Variants in EFR3B observed in about 807,000 individuals in gnomAD.
EFR3B encodes the protein protein EFR3 homolog B.
A neutral mutation model predicts 104.7 loss-of-function variants in EFR3B; 64 were observed. That is an observed-to-expected ratio of 0.61 (90% confidence interval 0.50 to 0.75). The LOEUF (loss-of-function observed/expected upper bound fraction) is 0.75. Among genes scored for constraint, EFR3B ranks in the 30% least tolerant of loss-of-function variants. EFR3B has a pLI of 0.00. For synonymous variants in EFR3B, 385 were observed against 417.9 expected, an observed-to-expected ratio of 0.92 and a Z score of 0.96; for missense variants, 750 against 1,078.5, an observed-to-expected ratio of 0.70 and a Z score of 4.27.
At chr2:25,044,468 A>G (rs2149160879) in intron 1 of EFR3B, among the ~76,000 whole-genome samples, 1 of 152,310 alleles carries the variant, frequency 6.6e-6, no homozygotes. Context: ...ACAGAATTAT[A>G]GACTTCTTAT....
Position 25,091,317 on chromosome 2 carries a change from T to C in EFR3B, c.8-8T>C, listed in dbSNP as rs2918630. The C allele has an allele frequency of 0.47, 731,762 of 1,547,458 alleles. 179,268 individuals are homozygous for C. Among genetic ancestry groups the C allele is most frequent in the East Asian group, 0.77 (31,094 of 40,542 alleles). ...CTTTGCTCACAGTTTTTCCCATTCT[T>C]ATTCCAGGTGTGTGTGGCTGCTGTG... On this transcript the variant is annotated splice_polypyrimidine_tract_variant and splice_region_variant and intron_variant, in intron 1 of 22. Transcript: ENST00000403714.
chr2:25,134,466 G>A (rs946085242), intron 12 of EFR3B, among the ~76,000 whole-genome samples: 4 of 152,100 alleles, frequency 2.6e-5, no homozygotes, highest in Non-Finnish European at 4.4e-5. Context: ...CACTGTGCCC[G>A]GCCTCAGTTT....
At chr2:25,088,263 G>A (rs894104293) in intron 1 of EFR3B, among the ~76,000 whole-genome samples, 2 of 152,132 alleles carry the variant, frequency 1.3e-5, no homozygotes, top group Non-Finnish European at 1.5e-5. Flanking sequence ...TTGTAGAGTT[G>A]GTGCTGAGGT....
chr2:25,090,284 G>T (rs572521658), intron 1 of EFR3B, among the ~76,000 whole-genome samples: 18 of 152,318 alleles, frequency 1.2e-4, no homozygotes, highest in African/African-American at 4.1e-4. Context: ...CCTCCTCCAT[G>T]CCCGCCCGCC....
intron 6 of EFR3B, 98 bp downstream of exon 6, chr2:25,128,430 A>G (rs1670225699): frequency 1.4e-6 from 2 of 1,460,276 alleles, no homozygotes; most frequent in Non-Finnish European, 9.3e-7. Context: ...AAACTCAGCT[A>G]CAAGGCCAGG....
At chr2:25,121,431 T>C (rs1228913621) in intron 4 of EFR3B, among the ~76,000 whole-genome samples, 1 of 152,170 alleles carries the variant, frequency 6.6e-6, no homozygotes, top group Non-Finnish European at 1.5e-5. Flanking sequence ...TTCTCTTCTG[T>C]CCTCTGCTCC....
At chr2:25,092,137 C>T (rs1189770506) in intron 2 of EFR3B, among the ~76,000 whole-genome samples, 3 of 151,782 alleles carry the variant, frequency 2.0e-5, no homozygotes, top group South Asian at 2.1e-4. Context: ...GGCGCGATCT[C>T]GGCTCACTGC....
intron 1 of EFR3B, among the ~76,000 whole-genome samples, chr2:25,055,792 T>C (rs1668002902): frequency 6.6e-6 from 1 of 152,208 alleles, no homozygotes; most frequent in Admixed American, 6.5e-5. Context: ...GGAGGGATGC[T>C]TCTAGAGCAG....
At chr2:25,143,681 A>C (rs201773448) in intron 17 of EFR3B, 54 bp from the exon 18 acceptor site, 6 of 1,545,424 alleles carry the variant, frequency 3.9e-6, no homozygotes, top group Non-Finnish European at 4.4e-6. Flanking sequence ...ATTGTTCAGA[A>C]GTCATTCTAG....
At chr2:25,104,943 G>A (rs1669523586) in intron 4 of EFR3B, among the ~76,000 whole-genome samples, 1 of 152,170 alleles carries the variant, frequency 6.6e-6, no homozygotes, top group East Asian at 1.9e-4. Context: ...CTTCTTGTGT[G>A]CATTTAAACA....
chr2:25,076,372 A>C (rs769634853), intron 1 of EFR3B, among the ~76,000 whole-genome samples: 1 of 152,232 alleles, frequency 6.6e-6, no homozygotes, highest in Non-Finnish European at 1.5e-5. Context: ...GATGATGATG[A>C]TGAAAGCTAA....
chr2:25,125,330 G>C (rs1170974650), intron 5 of EFR3B, among the ~76,000 whole-genome samples: 1 of 152,226 alleles, frequency 6.6e-6, no homozygotes, highest in African/African-American at 2.4e-5. Context: ...AGGCCCACTT[G>C]GACGGGACAA....
intron 1 of EFR3B, among the ~76,000 whole-genome samples, chr2:25,071,242 G>A (rs1668486891): frequency 6.7e-6 from 1 of 148,806 alleles, no homozygotes; most frequent in African/African-American, 2.5e-5. Flanking sequence ...TTACAGGCAT[G>A]AGCCACCGTG....
chr2:25,062,357 A>AT (rs1036958141), intron 1 of EFR3B, among the ~76,000 whole-genome samples: 26 of 152,360 alleles, frequency 1.7e-4, no homozygotes, highest in African/African-American at 4.3e-4. Context: ...TGTTTGGGTG[A>AT]TGGTTACACA....
At chr2:25,051,874 A>G (rs1667880633) in intron 1 of EFR3B, among the ~76,000 whole-genome samples, 1 of 150,020 alleles carries the variant, frequency 6.7e-6, no homozygotes, top group African/African-American at 2.4e-5. Flanking sequence ...TCCTGACCTC[A>G]GGTGATCCGC....
rs1001497154 is a variant in EFR3B at position 25,042,564 on chromosome 2, G to A, written c.7+245G>A. The A allele has an allele frequency of 8.3e-7, 1 of 1,201,132 alleles. No homozygotes were observed. The highest frequency in any genetic ancestry group is 1.0e-6 in the Non-Finnish European group (1 of 968,562). The allele number at this position is 1,201,132 out of a possible 1,614,324, so 74.4% of individuals were successfully genotyped here. On this transcript the variant is annotated intron_variant, in intron 1 of 22. Coordinates refer to ENST00000403714, the MANE Select transcript of EFR3B (RefSeq NM_014971.2). This position sits in a 1 kb window ranked among gnomAD's most constrained non-coding sequence, Gnocchi z 5.4. ...TGCCGGTGCTGGGCGGTGGTCCTTCGGGGGGCGGAGGCTCAGGGGAAAGCG... is the reference window on the plus strand; with the variant it reads ...TGCCGGTGCTGGGCGGTGGTCCTTCAGGGGGCGGAGGCTCAGGGGAAAGCG...
At chr2:25,112,306 C>T (rs1268597378) in intron 4 of EFR3B, among the ~76,000 whole-genome samples, 1 of 152,274 alleles carries the variant, frequency 6.6e-6, no homozygotes, top group Non-Finnish European at 1.5e-5. Context: ...TTCCTGAGTG[C>T]AGTCCTTGGA....
chr2:25,081,067 GA>G, intron 1 of EFR3B: 1 of 728,670 alleles, frequency 1.4e-6, no homozygotes, highest in Non-Finnish European at 2.5e-6. Flanking sequence ...ATTAATATAG[GA>G]CCTTGAAATG....
chr2:25,127,801 C>T (rs1362009203), intron 5 of EFR3B, among the ~76,000 whole-genome samples: 1 of 152,218 alleles, frequency 6.6e-6, no homozygotes, highest in Non-Finnish European at 1.5e-5. Flanking sequence ...CCTGCCCCCG[C>T]AAGTTGCTCA....
Sources: allele counts gnomAD v4.1 joint callset (sites outside exome capture counted in the v4.1 genomes callset), GRCh38; gene constraint gnomAD v4.1.1; non-coding constraint Gnocchi (gnomAD v3.1); transcripts MANE v1.5; gene names NCBI Gene and HGNC (gene_info 2026-07-23, HGNC 2026-07-21).